FMN2: variants seen among roughly 807,000 people sequenced by gnomAD.
The protein encoded by FMN2 is formin 2.
FMN2 carries 51 observed loss-of-function variants against 142.3 expected under a neutral mutation model. The observed-to-expected ratio is 0.36, with a 90% confidence interval of 0.29 to 0.45. The LOEUF is 0.45. Ranked by LOEUF, FMN2 falls within the 20% of genes least tolerant of loss-of-function variation. The pLI, the probability that FMN2 is intolerant of heterozygous loss-of-function variation, is 1.00. For synonymous variants in FMN2, 882 were observed against 869.8 expected (o/e 1.01, Z -0.25); for missense variants, 1,936 against 2,122.8 (o/e 0.91, Z 1.73).
chr1:240,119,328 C>CA (rs76694954), intron 1 of FMN2, among the ~76,000 whole-genome samples: 13,558 of 107,540 alleles, frequency 0.13, 776 homozygotes, highest in African/African-American at 0.17. Flanking sequence ...GACTCCATCT[C>CA]AAAAAAAAAA....
intron 1 of FMN2, among the ~76,000 whole-genome samples, chr1:240,115,879 T>G (rs943340464): frequency 2.6e-5 from 4 of 152,210 alleles, no homozygotes; most frequent in Non-Finnish European, 5.9e-5. Context: ...TATTTCTTGA[T>G]CATATGCTAA....
intron 13 of FMN2, among the ~76,000 whole-genome samples, chr1:240,340,119 G>T (rs924886379): frequency 2.0e-5 from 3 of 151,840 alleles, no homozygotes; most frequent in Non-Finnish European, 4.4e-5. Flanking sequence ...TTTTTTTCCA[G>T]ACTTTGGGTA....
At chr1:240,450,089 C>T (rs1018975107) in intron 16 of FMN2, among the ~76,000 whole-genome samples, 7 of 152,050 alleles carry the variant, frequency 4.6e-5, no homozygotes, top group Non-Finnish European at 1.0e-4. Context: ...TATAATGTCA[C>T]ATCAAAATTA....
chr1:240,433,064 T>C (rs9726390), intron 15 of FMN2, among the ~76,000 whole-genome samples: 121,424 of 152,096 alleles, frequency 0.8, 48,935 homozygotes, highest in Middle Eastern at 0.89. Flanking sequence ...GGTGTTAAAA[T>C]ATCCAATTCG....
intron 6 of FMN2, among the ~76,000 whole-genome samples, chr1:240,244,717 T>C (rs1182975167): frequency 1.3e-5 from 2 of 152,182 alleles, no homozygotes; most frequent in African/African-American, 4.8e-5. Context: ...AGCTGTGGTA[T>C]TTTTTTAAAA....
At chr1:240,131,250 G>A (rs1298893455) in intron 2 of FMN2, among the ~76,000 whole-genome samples, 1 of 152,202 alleles carries the variant, frequency 6.6e-6, no homozygotes, top group African/African-American at 2.4e-5. Context: ...CCCTTTGCCT[G>A]TTACCATGGG....
At chr1:240,180,883 A>C (rs1348236250) in intron 3 of FMN2, among the ~76,000 whole-genome samples, 1 of 151,566 alleles carries the variant, frequency 6.6e-6, no homozygotes, top group Non-Finnish European at 1.5e-5. Flanking sequence ...TTTCTATTTT[A>C]ATTCAAAGTG....
chr1:240,178,307 G>A (rs1665009456), intron 3 of FMN2, among the ~76,000 whole-genome samples: 1 of 152,100 alleles, frequency 6.6e-6, no homozygotes, highest in African/African-American at 2.4e-5. Context: ...GAGGAGTTCA[G>A]CAGGATGATG....
chr1:240,447,763 G>T (rs992661358), intron 16 of FMN2, among the ~76,000 whole-genome samples: 17 of 152,076 alleles, frequency 1.1e-4, no homozygotes, highest in African/African-American at 3.9e-4. Context: ...CTTGCGGGGG[G>T]TACAAAATGC....
intron 4 of FMN2, among the ~76,000 whole-genome samples, chr1:240,192,958 T>G (rs1439073079): frequency 6.6e-6 from 1 of 152,194 alleles, no homozygotes; most frequent in African/African-American, 2.4e-5. Flanking sequence ...CTATGAGTTT[T>G]AAGAATGAAA....
chr1:240,441,608 C>CTTTTTTTTTTTTT (rs371621331), intron 16 of FMN2, among the ~76,000 whole-genome samples: 3 of 125,160 alleles, frequency 2.4e-5, no homozygotes, highest in African/African-American at 8.8e-5. Flanking sequence ...GCATATTGGT[C>CTTTTTTTTTTTTT]TTTTTTTTTT....
intron 14 of FMN2, among the ~76,000 whole-genome samples, chr1:240,374,595 A>G (rs892442080): frequency 5.9e-5 from 9 of 152,140 alleles, no homozygotes; most frequent in Non-Finnish European, 1.3e-4. Context: ...CTTTTCTTCT[A>G]TAGCTTCCTC....
intron 14 of FMN2, among the ~76,000 whole-genome samples, chr1:240,360,852 T>G (rs1467026458): frequency 6.6e-6 from 1 of 151,894 alleles, no homozygotes; most frequent in East Asian, 1.9e-4. Flanking sequence ...ACCATCATTC[T>G]CAGCAAACTA....
chr1:240,270,858 G>A (rs993899058), intron 7 of FMN2, among the ~76,000 whole-genome samples: 12 of 151,804 alleles, frequency 7.9e-5, no homozygotes, highest in Admixed American at 7.2e-4. Context: ...ATGGGGAAAG[G>A]GGAGACTTGG....
At chr1:240,246,809 T>A (rs1668097826) in intron 6 of FMN2, among the ~76,000 whole-genome samples, 1 of 152,220 alleles carries the variant, frequency 6.6e-6, no homozygotes, top group Non-Finnish European at 1.5e-5. Flanking sequence ...AGACGTGACA[T>A]TAAAGCAGAT....
rs1390650087 is a variant in FMN2, at chr1:240,145,204, C to T, written c.1782+21859C>T. On this transcript the variant is annotated intron_variant, in intron 2 of 17. Coordinates refer to ENST00000319653, the MANE Select transcript of FMN2 (RefSeq NM_020066.5). Reference sequence around the variant, plus strand: ...TCTCCCCGAGTCATTCCACAAGCATCTCCAGTTCATCTTGAAGCTGTTTAT... The same window carrying T: ...TCTCCCCGAGTCATTCCACAAGCATTTCCAGTTCATCTTGAAGCTGTTTAT... The T allele has an allele frequency of 5.6e-6, 8 of 1,431,630 alleles. No homozygotes were observed. The Admixed American group carries it at 1.4e-4, about 24-fold the overall frequency. The allele number at this position is 1,431,630 out of a possible 1,614,324, so 88.7% of individuals were successfully genotyped here. A position where few individuals can be genotyped will look rare whatever the true frequency, so the allele number is the denominator to read the frequency against.
intron 13 of FMN2, among the ~76,000 whole-genome samples, chr1:240,345,825 C>T (rs1035652735): frequency 1.3e-5 from 2 of 152,092 alleles, no homozygotes; most frequent in Non-Finnish European, 2.9e-5. Context: ...TACTCTGACC[C>T]AGCACTTGGC....
chr1:240,404,482 C>T (rs1264291312), intron 15 of FMN2, among the ~76,000 whole-genome samples: 1 of 152,188 alleles, frequency 6.6e-6, no homozygotes, highest in East Asian at 1.9e-4. Context: ...ACAATGACAT[C>T]ATTCCCTTAA....
intron 4 of FMN2, among the ~76,000 whole-genome samples, chr1:240,189,254 A>G (rs907130179): frequency 2.0e-5 from 3 of 152,074 alleles, no homozygotes; most frequent in Admixed American, 2.0e-4. Flanking sequence ...ATATAAAACC[A>G]TTGCTTACAA....
Sources: gnomAD v4.1 joint callset for allele counts (sites outside exome capture counted in the v4.1 genomes callset) on GRCh38, gnomAD v4.1.1 for gene constraint, MANE v1.5 for transcripts, NCBI Gene and HGNC (gene_info 2026-07-23, HGNC 2026-07-21) for gene names.